ABL2: variants seen among roughly 807,000 people sequenced by gnomAD.
ABL2 encodes ABL proto-oncogene 2, non-receptor tyrosine kinase, also known as tyrosine-protein kinase ABL2.
ABL2 carries 49 observed loss-of-function variants against 107.7 expected under a neutral mutation model. The observed-to-expected ratio is 0.45, with a 90% CI of 0.36 to 0.58. The LOEUF (loss-of-function observed/expected upper bound fraction) is 0.58, where lower values mean the gene tolerates loss of function less well. Among genes scored for constraint, ABL2 ranks in the 20% least tolerant of loss-of-function variants. The probability of loss-of-function intolerance (pLI) is 0.00; values close to 1 mark genes in which losing one functional copy is unlikely to be tolerated. For missense variants in ABL2, 1,245 were observed against 1,457.0 expected (o/e 0.85, Z 2.37); for synonymous variants, 549 against 548.6 (o/e 1.00, Z -0.01).
At chr1:179,143,708 AT>A (rs1445770660) in intron 1 of ABL2, among the ~76,000 whole-genome samples, 1 of 152,172 alleles carries the variant, frequency 6.6e-6, no homozygotes, top group Non-Finnish European at 1.5e-5. Context: ...TTACTTATTT[AT>A]TTTTTGAGAC....
At chr1:179,180,080 A>G (rs1190881501) in intron 1 of ABL2, among the ~76,000 whole-genome samples, 1 of 151,568 alleles carries the variant, frequency 6.6e-6, no homozygotes, top group Non-Finnish European at 1.5e-5. Flanking sequence ...CAGCCTGGGT[A>G]CTGCACTCCA....
chr1:179,166,434 G>C (rs892739197), intron 1 of ABL2, among the ~76,000 whole-genome samples: 3 of 148,584 alleles, frequency 2.0e-5, no homozygotes, highest in African/African-American at 7.4e-5. Flanking sequence ...CATTTAACAA[G>C]TGGAAAAAGG....
chr1:179,133,303 A>C lies in ABL2; in HGVS notation c.220+9T>G. 1.9e-6 allele frequency: 3 copies of C among 1,614,046 alleles called. No homozygotes were observed. Among genetic ancestry groups the C allele is most frequent in the Non-Finnish European group, 2.5e-6 (3 of 1,180,002 alleles). On this transcript the variant is annotated intron_variant, in intron 2 of 11. Transcript: ENST00000502732. ...TAGTTCAAATCTGCAACATCTCAACATCTCTCACCTGGACTACTGCCTCCA... is the reference window on the plus strand; with the variant it reads ...TAGTTCAAATCTGCAACATCTCAACCTCTCTCACCTGGACTACTGCCTCCA...
At chr1:179,212,511 T>C (rs1662329213) in intron 1 of ABL2, among the ~76,000 whole-genome samples, 2 of 152,044 alleles carry the variant, frequency 1.3e-5, no homozygotes, top group Admixed American at 6.6e-5. Context: ...GGCAGGTGGA[T>C]CACCTGAGGT....
At chr1:179,110,660 C>A in intron 10 of ABL2, 2 of 1,544,266 alleles carry the variant, frequency 1.3e-6, no homozygotes, top group African/African-American at 1.4e-5. Flanking sequence ...CTGCATGTGG[C>A]AGGGGTTCTC....
In ABL2 at chr1:179,107,670, C is replaced by A; in HGVS notation, c.*48G>T. The A allele has an allele frequency of 6.5e-7, 1 of 1,535,822 alleles. No individual in the cohort carries two copies. On this transcript the variant is annotated 3_prime_UTR_variant, in exon 12 of 12. Coordinates refer to ENST00000502732, the MANE Select transcript of ABL2 (RefSeq NM_007314.4). ...AGAACACAGGAAAACAAGTCCTTTT[C>A]CCTCTCCCCTCAGAAATGTGTGCAT... is the stretch of plus-strand genomic sequence containing the variant.
In ABL2 at chr1:179,101,098, G is replaced by GT. The variant is rs1557894778; in HGVS notation, c.*6619dup. 2 of 231,070 alleles carry GT rather than the reference G, an allele frequency of 8.7e-6. No homozygotes were observed. The highest frequency in any genetic ancestry group is 4.4e-5 in the African/African-American group (2 of 45,220). The allele number at this position is 231,070 out of a possible 1,614,324, so 14.3% of individuals were successfully genotyped here. On this transcript the variant is annotated 3_prime_UTR_variant, in exon 12 of 12. Transcript: ENST00000502732. The stretch of plus-strand genomic sequence containing the variant: ...CTGGCCACTGCCATCTGAGAAGCTC[G>GT]TGTCTACCAGCTCTAGTTCAATAAT...
chr1:179,102,617 T>A lies in ABL2; in HGVS notation c.*5101A>T, dbSNP rs1043124337. On this transcript the variant is annotated 3_prime_UTR_variant, in exon 12 of 12. Transcript: ENST00000502732. ...CCAGGTGGAACAATTTAATGCAAGATGATGAAACTCAAAAATCAAGAACAA... is the reference window on the plus strand; with the variant it reads ...CCAGGTGGAACAATTTAATGCAAGAAGATGAAACTCAAAAATCAAGAACAA... The A allele has an allele frequency of 4.4e-6, 1 of 228,972 alleles. No homozygotes were observed. Among genetic ancestry groups the A allele is most frequent in the African/African-American group, 2.2e-5 (1 of 45,082 alleles). The allele number at this position is 228,972 out of a possible 1,614,324, so 14.2% of individuals were successfully genotyped here. A position where few individuals can be genotyped will look rare whatever the true frequency, so the allele number is the denominator to read the frequency against.
At chr1:179,139,830 G>A (rs1318606559) in intron 1 of ABL2, among the ~76,000 whole-genome samples, 1 of 152,136 alleles carries the variant, frequency 6.6e-6, no homozygotes, top group African/African-American at 2.4e-5. Context: ...GCTCAAGCAA[G>A]GGATCTAGGT....
intron 1 of ABL2, chr1:179,196,365 A>T (rs984799578): frequency 6.6e-6 from 1 of 152,182 alleles, no homozygotes; most frequent in East Asian, 1.9e-4. Flanking sequence ...GTTTTAAAAC[A>T]TTTACAAGCC....
At chr1:179,110,717 T>C in intron 10 of ABL2, 1 of 1,607,630 alleles carries the variant, frequency 6.2e-7, no homozygotes, top group Non-Finnish European at 8.5e-7. Context: ...AATCCACCTG[T>C]TCTCCTCTTG....
intron 1 of ABL2, among the ~76,000 whole-genome samples, chr1:179,212,799 C>G (rs1293171193): frequency 1.3e-5 from 2 of 151,066 alleles, no homozygotes; most frequent in African/African-American, 4.9e-5. Context: ...ATAATCCCAG[C>G]ACTTTGGGAG....
Position 179,120,319 on chromosome 1 carries a change from A to G in ABL2, c.961-45T>C, listed in dbSNP as rs528439628. On this transcript the variant is annotated intron_variant, in intron 5 of 11. Transcript: ENST00000502732. ...AGAAAGAAGAAAACGAGAGGGACAA[A>G]CCCTCAACTTAAAATCATTTCATTC... is the stretch of plus-strand genomic sequence containing the variant. 4.9e-6 allele frequency: 6 copies of G among 1,233,252 alleles called. No homozygotes were observed. The East Asian group carries it at 1.4e-4, about 30-fold the overall frequency. The allele number at this position is 1,233,252 out of a possible 1,614,324, so 76.4% of individuals were successfully genotyped here. A position where few individuals can be genotyped will look rare whatever the true frequency, so the allele number is the denominator to read the frequency against.
chr1:179,154,290 T>C (rs930202391), intron 1 of ABL2, among the ~76,000 whole-genome samples: 1 of 152,256 alleles, frequency 6.6e-6, no homozygotes, highest in Non-Finnish European at 1.5e-5. Flanking sequence ...GATTTTTAAA[T>C]GTTACACTTA....
chr1:179,187,581 A>G (rs1003409281), intron 1 of ABL2, among the ~76,000 whole-genome samples: 1 of 152,232 alleles, frequency 6.6e-6, no homozygotes. Context: ...GAATTTTACC[A>G]TATTTCTTGA....
intron 1 of ABL2, among the ~76,000 whole-genome samples, chr1:179,188,346 A>T (rs1660793285): frequency 6.6e-6 from 1 of 152,124 alleles, no homozygotes; most frequent in Non-Finnish European, 1.5e-5. Context: ...GTTGGAGATG[A>T]GCCTGGCCAA....
intron 1 of ABL2, among the ~76,000 whole-genome samples, chr1:179,141,399 A>C (rs942232244): frequency 6.6e-6 from 1 of 152,232 alleles, no homozygotes; most frequent in Non-Finnish European, 1.5e-5. Context: ...TCTGAACCCA[A>C]AAGAGGACTC....
At chr1:179,125,542 G>A (rs781330458) in intron 4 of ABL2, among the ~76,000 whole-genome samples, 4 of 152,092 alleles carry the variant, frequency 2.6e-5, no homozygotes, top group African/African-American at 7.2e-5. Context: ...TGGTCAAGAG[G>A]AAACATACTA....
intron 1 of ABL2, among the ~76,000 whole-genome samples, chr1:179,215,181 G>A (rs12087674): frequency 0.019 from 2,827 of 151,572 alleles, 97 homozygotes; most frequent in African/African-American, 0.064. Flanking sequence ...AAATTGGGGA[G>A]AAAATTCATA....
Sources: gnomAD v4.1 joint callset for allele counts (sites outside exome capture counted in the v4.1 genomes callset) on GRCh38, gnomAD v4.1.1 for gene constraint, MANE v1.5 for transcripts, NCBI Gene and HGNC (gene_info 2026-07-23, HGNC 2026-07-21) for gene names.